CHN1: variants seen among roughly 807,000 people sequenced by gnomAD.
The protein encoded by CHN1 is chimerin 1.
Under a neutral mutation model 59.5 loss-of-function variants are expected in CHN1, and 37 were observed. The observed-to-expected ratio is 0.62, with a 90% confidence interval of 0.48 to 0.82. The LOEUF is 0.82. Ranked by LOEUF, CHN1 falls within the 40% of genes least tolerant of loss-of-function variation. The pLI is 0.00. For synonymous variants in CHN1, 206 were observed against 200.4 expected (o/e 1.03, Z -0.24); for missense variants, 469 against 571.0 (o/e 0.82, Z 1.82).
intron 5 of CHN1, among the ~76,000 whole-genome samples, chr2:174,904,860 G>A (rs17270504): frequency 0.32 from 49,294 of 151,906 alleles, 9,306 homozygotes; most frequent in Admixed American, 0.46. Flanking sequence ...CAGAGGTTAC[G>A]GGTTACAAGA....
At chr2:174,910,379 G>A (rs1461908421) in intron 5 of CHN1, among the ~76,000 whole-genome samples, 9 of 151,882 alleles carry the variant, frequency 5.9e-5, no homozygotes, top group East Asian at 1.9e-4. Flanking sequence ...AATGTCCAAC[G>A]TTGATAAAGA....
In CHN1 at chr2:174,801,732, G is replaced by A. The variant is rs759861126; in HGVS notation, c.1183C>T (p.Arg395Trp). The A allele has an allele frequency of 1.1e-5, 17 of 1,613,116 alleles. No individual in the cohort carries two copies. The highest frequency in any genetic ancestry group is 4.5e-5 in the East Asian group (2 of 44,856). The change falls in exon 12 of 13, where the codon CGG becomes TGG. Residue 395 changes from arginine (R) to tryptophan (W), a missense_variant. Around this residue, in one of 5 missense-constraint regions of CHN1, gnomAD observed 225 missense variants for 289.9 expected, o/e 0.78. Transcript: ENST00000409900. ...CTCTTTAGATGTGCCATGAGGTACC[G>A]GAGGGTTTCGCAGTGAGCAGGTGGC... ...LLPPAHCETL[R>W]YLMAHLKRVT...
chr2:175,003,268 T>C (rs1691947244), intron 1 of CHN1, among the ~76,000 whole-genome samples: 1 of 152,236 alleles, frequency 6.6e-6, no homozygotes, highest in Admixed American at 6.5e-5. Context: ...GTGAATTCTA[T>C]TTTCCCATAA....
chr2:174,937,320 T>C (rs554271510), intron 3 of CHN1, among the ~76,000 whole-genome samples: 8 of 152,260 alleles, frequency 5.3e-5, no homozygotes, highest in Non-Finnish European at 8.8e-5. Context: ...AGTTACTGAA[T>C]TTGTAAGCTG....
At chr2:174,929,231 T>C (rs1181319486) in intron 3 of CHN1, among the ~76,000 whole-genome samples, 1 of 152,182 alleles carries the variant, frequency 6.6e-6, no homozygotes, top group African/African-American at 2.4e-5. Flanking sequence ...TTTTACTAAT[T>C]CAATAAAGAA....
intron 6 of CHN1, among the ~76,000 whole-genome samples, chr2:174,868,563 T>C (rs1687301910): frequency 6.6e-6 from 1 of 152,196 alleles, no homozygotes; most frequent in South Asian, 2.1e-4. Context: ...TAAAAGAAAT[T>C]AGAATGAAGT....
At chr2:174,924,677 T>C (rs1689119047) in intron 3 of CHN1, among the ~76,000 whole-genome samples, 1 of 152,172 alleles carries the variant, frequency 6.6e-6, no homozygotes, top group African/African-American at 2.4e-5. Flanking sequence ...AGAGACAATA[T>C]AACAGTACTT....
chr2:175,005,121 C>G lies in CHN1; in HGVS notation c.-209G>C, dbSNP rs1026686527. ...ATTCACGCGTTATTGTCGGGCGCAC[C>G]GGGCCCAGGGAGCCCCGCTAGCTCT... On this transcript the variant is annotated 5_prime_UTR_variant, in exon 1 of 13. Coordinates refer to ENST00000409900, the MANE Select transcript of CHN1 (RefSeq NM_001822.7). The G allele has an allele frequency of 1.5e-6, 2 of 1,316,286 alleles. No homozygotes were observed. Among genetic ancestry groups the G allele is most frequent in the Admixed American group, 3.7e-5 (1 of 27,000 alleles). 81.5% of individuals were successfully genotyped at this position (1,316,286 alleles called of 1,614,324 possible).
chr2:174,979,327 T>C (rs994646753), intron 1 of CHN1, among the ~76,000 whole-genome samples: 2 of 152,226 alleles, frequency 1.3e-5, no homozygotes, highest in African/African-American at 4.8e-5. Flanking sequence ...TTCCACTTGA[T>C]AAAATACTCA....
chr2:174,964,588 T>C lies in CHN1; in HGVS notation c.20-12386A>G, dbSNP rs922216456. Among the ~76,000 whole-genome samples, 4 of 152,298 alleles carry C rather than the reference T, an allele frequency of 2.6e-5. No individual in the cohort carries two copies. The South Asian group carries it at 8.3e-4, about 32-fold the overall frequency. ...GTCCAAGAGGCTTAAAAATCAGCTATAGCTTTGTGGCAAACTTACGCATAA... is the reference window on the plus strand; with the variant it reads ...GTCCAAGAGGCTTAAAAATCAGCTACAGCTTTGTGGCAAACTTACGCATAA... On this transcript the variant is annotated intron_variant, in intron 1 of 12. Transcript: ENST00000409900.
intron 12 of CHN1, among the ~76,000 whole-genome samples, chr2:174,800,580 A>G (rs1684688102): frequency 6.6e-6 from 1 of 152,204 alleles, no homozygotes; most frequent in Non-Finnish European, 1.5e-5. Flanking sequence ...TACAGCCTAT[A>G]GTTCTAAACC....
chr2:174,893,073 C>A (rs1688103325), intron 5 of CHN1, among the ~76,000 whole-genome samples: 1 of 152,132 alleles, frequency 6.6e-6, no homozygotes, highest in Non-Finnish European at 1.5e-5. Flanking sequence ...GCAAGGATGG[C>A]CACTCTCACC....
At chr2:174,916,862 A>G (rs1688862169) in intron 4 of CHN1, among the ~76,000 whole-genome samples, 1 of 152,218 alleles carries the variant, frequency 6.6e-6, no homozygotes, top group Non-Finnish European at 1.5e-5. Context: ...ATCAAATAAT[A>G]CAGTTGGTAA....
At position 174,947,614 on chromosome 2, in the gene CHN1, G is replaced by C. The variant is rs531478859; in HGVS notation, c.59-2671C>G. Among the ~76,000 whole-genome samples the C allele has an allele frequency of 4.0e-5, 6 of 151,416 alleles. No homozygotes were observed. In the South Asian group the frequency reaches 1.3e-3, roughly 32 times the overall value. Reference sequence around the variant, plus strand: ...AGCCTTATGCCGCAGAACCCAAGTAGCTGGGACTACAGGCACACACCACCA... The same window carrying C: ...AGCCTTATGCCGCAGAACCCAAGTACCTGGGACTACAGGCACACACCACCA... On this transcript the variant is annotated intron_variant, in intron 2 of 12. Coordinates refer to ENST00000409900, the MANE Select transcript of CHN1 (RefSeq NM_001822.7).
chr2:174,799,459 C>A lies in CHN1; in HGVS notation c.*657G>T. On this transcript the variant is annotated 3_prime_UTR_variant, in exon 13 of 13. Coordinates refer to ENST00000409900, the MANE Select transcript of CHN1 (RefSeq NM_001822.7). Reference sequence around the variant, plus strand: ...GCATGCCAGAAAAAATACCAAATTACAACTGAAAACCAATAATAATTTAAC... The same window carrying A: ...GCATGCCAGAAAAAATACCAAATTAAAACTGAAAACCAATAATAATTTAAC... 1 of 471,286 alleles carries A rather than the reference C, an allele frequency of 2.1e-6. No individual in the cohort carries two copies. The highest frequency in any genetic ancestry group is 4.1e-6 in the Non-Finnish European group (1 of 244,842). 29.2% of individuals were successfully genotyped at this position (471,286 alleles called of 1,614,324 possible). A position where few individuals can be genotyped will look rare whatever the true frequency, so the allele number is the denominator to read the frequency against.
intron 6 of CHN1, among the ~76,000 whole-genome samples, chr2:174,858,214 A>G (rs1015679836): frequency 6.6e-6 from 1 of 152,178 alleles, no homozygotes; most frequent in Non-Finnish European, 1.5e-5. Context: ...ACTTCTTTAA[A>G]CTTCAGTTAG....
intron 5 of CHN1, among the ~76,000 whole-genome samples, chr2:174,894,040 CAT>C (rs1367670478): frequency 6.6e-6 from 1 of 152,062 alleles, no homozygotes; most frequent in African/African-American, 2.4e-5. Flanking sequence ...GGAAAAACAT[CAT>C]GACATTGGAA....
At chr2:174,803,823 G>A (rs999007166) in intron 11 of CHN1, among the ~76,000 whole-genome samples, 2 of 152,098 alleles carry the variant, frequency 1.3e-5, no homozygotes, top group African/African-American at 4.8e-5. Context: ...CAAAGTGCTG[G>A]GATTACAGGT....
At chr2:174,914,299 T>A (rs1438209294) in intron 5 of CHN1, among the ~76,000 whole-genome samples, 1 of 152,238 alleles carries the variant, frequency 6.6e-6, no homozygotes, top group Non-Finnish European at 1.5e-5. Context: ...TATTTGTTTC[T>A]GGGCACTGTA....
Sources: allele counts gnomAD v4.1 joint callset (sites outside exome capture counted in the v4.1 genomes callset), GRCh38; gene constraint gnomAD v4.1.1; regional missense constraint gnomAD v4.1.1; transcripts MANE v1.5; gene names NCBI Gene and HGNC (gene_info 2026-07-23, HGNC 2026-07-21).